PMPCB: variants seen among roughly 807,000 people sequenced by gnomAD.
PMPCB encodes the protein peptidase, mitochondrial processing subunit beta.
Under a neutral mutation model 61.5 loss-of-function variants are expected in PMPCB, and 46 were observed. The ratio of observed to expected loss-of-function variants is 0.75; its 90% CI spans 0.59 to 0.96. PMPCB has a LOEUF of 0.96. Among genes scored for constraint, PMPCB ranks in the 40% least tolerant of loss-of-function variants. The pLI, the probability that PMPCB is intolerant of heterozygous loss-of-function variation, is 0.00. For synonymous variants in PMPCB, 191 were observed against 201.6 expected, an observed-to-expected ratio of 0.95 and a Z score of 0.44; for missense variants, 590 against 602.4, an observed-to-expected ratio of 0.98 and a Z score of 0.22.
chr7:103,316,849 G>C (rs1488727091), downstream of PMPCB: 3 of 1,613,510 alleles, frequency 1.9e-6, no homozygotes, highest in Admixed American at 3.3e-5. Flanking sequence ...GTTCCAGCAG[G>C]GAACAGATTC....
chr7:103,316,591 C>T (rs1171815603), downstream of PMPCB: 3 of 465,568 alleles, frequency 6.4e-6, no homozygotes, highest in Non-Finnish European at 7.5e-6. Context: ...CAAGACTTGT[C>T]TCATGATCTT....
downstream of PMPCB, among the ~76,000 whole-genome samples, chr7:103,329,725 T>C (rs1478781407): frequency 6.6e-6 from 1 of 152,212 alleles, no homozygotes; most frequent in Non-Finnish European, 1.5e-5. Flanking sequence ...TGGTTACTTA[T>C]TCTTGCCCTG....
downstream of PMPCB, chr7:103,316,020 A>C: frequency 6.2e-7 from 1 of 1,601,680 alleles, no homozygotes; most frequent in Non-Finnish European, 8.5e-7. Flanking sequence ...TTTGCCAATA[A>C]CATCTTTGGC....
At position 103,313,073 on chromosome 7, in the gene PMPCB, TGTCCAA is replaced by T. The variant is rs1385641680; in HGVS notation, c.*804_*809del. ...GTTCCAAAAGCTTCTGTTCTTCTGT[TGTCCAA>T]GGGGTGAAGTCTGTATATGGACCTG... is the stretch of plus-strand genomic sequence containing the variant. On this transcript the variant is annotated 3_prime_UTR_variant, in exon 13 of 13. Transcript: ENST00000249269. 6.2e-7 allele frequency: 1 copy of T among 1,613,962 alleles called. No individual in the cohort carries two copies.
chr7:103,341,726 A>G, the PMPCB span: 20 of 1,473,528 alleles, frequency 1.4e-5, no homozygotes, highest in African/African-American at 2.8e-4. Flanking sequence ...ATGTCTAACA[A>G]AGCATCTGAC....
chr7:103,344,321 G>C, the PMPCB span: 2 of 582,436 alleles, frequency 3.4e-6, no homozygotes, highest in South Asian at 4.2e-5. Flanking sequence ...TGAGTCAGCA[G>C]CGGCGAGAGG....
At chr7:103,333,793 T>C (rs1323763818), downstream of PMPCB, among the ~76,000 whole-genome samples, 1 of 152,230 alleles carries the variant, frequency 6.6e-6, no homozygotes, top group Non-Finnish European at 1.5e-5. Context: ...TTGAGATTCA[T>C]CCATGTTTTT....
chr7:103,299,624 A>G, intron 3 of PMPCB, 95 bp downstream of exon 3: 1 of 664,722 alleles, frequency 1.5e-6, no homozygotes, highest in Non-Finnish European at 2.6e-6. Flanking sequence ...TTTCAGTAGT[A>G]TAACATGTTT....
At chr7:103,322,894 G>C (rs2115887215) in intron 12 of PMPCB, 1 of 949,588 alleles carries the variant, frequency 1.1e-6, no homozygotes, top group East Asian at 2.6e-5. Context: ...TAACATCCTA[G>C]AGGTTAAAAT....
Position 103,313,364 on chromosome 7 carries a change from A to C in PMPCB, c.*1093A>C. The stretch of plus-strand genomic sequence containing the variant: ...TCTACCTTGTACTGTTTATCTCTTA[A>C]AAATCAATGTAATACACTCACCAGA... On this transcript the variant is annotated 3_prime_UTR_variant, in exon 13 of 13. Coordinates refer to ENST00000249269, the MANE Select transcript of PMPCB (RefSeq NM_004279.3). The C allele has an allele frequency of 8.8e-7, 1 of 1,134,072 alleles. No homozygotes were observed. The highest frequency in any genetic ancestry group is 1.1e-6 in the Non-Finnish European group (1 of 927,010). The allele number at this position is 1,134,072 out of a possible 1,614,324, so 70.3% of individuals were successfully genotyped here.
In PMPCB at chr7:103,298,327, A is replaced by G. The variant is rs545600749; in HGVS notation, c.100-241A>G. On this transcript the variant is annotated intron_variant, in intron 1 of 12. Coordinates refer to ENST00000249269, the MANE Select transcript of PMPCB (RefSeq NM_004279.3). ...AGTCAATTTCTCTCTGGGTAATGAT[A>G]ATAATTGCTCATCTTCCCTGAGGGA... is the stretch of plus-strand genomic sequence containing the variant. 9.2e-5 allele frequency among the ~76,000 whole-genome samples: 14 copies of G among 152,150 alleles called. 1 individual carries two copies. The South Asian group carries it at 1.5e-3, about 16-fold the overall frequency.
chr7:103,313,322 A>G lies in PMPCB; in HGVS notation c.*1051A>G. 1 of 1,298,508 alleles carries G rather than the reference A, an allele frequency of 7.7e-7. No homozygotes were observed. Among genetic ancestry groups the G allele is most frequent in the Non-Finnish European group, 9.7e-7 (1 of 1,026,218 alleles). The allele number at this position is 1,298,508 out of a possible 1,614,324, so 80.4% of individuals were successfully genotyped here. Reference sequence around the variant, plus strand: ...GAAAATAAAATCTCAAAGGCTTTTAAAACACAATAGTAAAGATCTACCTTG... The same window carrying G: ...GAAAATAAAATCTCAAAGGCTTTTAGAACACAATAGTAAAGATCTACCTTG... On this transcript the variant is annotated 3_prime_UTR_variant, in exon 13 of 13. Coordinates refer to ENST00000249269, the MANE Select transcript of PMPCB (RefSeq NM_004279.3).
rs747657277 is a variant in PMPCB, at chr7:103,304,450, A to C, written c.696A>C (p.Thr232=). The stretch of plus-strand genomic sequence containing the variant: ...AGGACTTAGTGGATTATATAACCAC[A>C]CATTATAAGGGGCCAAGAATAGTGC... ...SRKDLVDYIT[T]HYKGPRIVLA... The change falls in exon 6 of 13, where the codon ACA becomes ACC. Residue 232 remains threonine (T), a synonymous_variant. Coordinates refer to ENST00000249269, the MANE Select transcript of PMPCB (RefSeq NM_004279.3). The C allele has an allele frequency of 1.2e-6, 2 of 1,607,858 alleles. No individual in the cohort carries two copies. The highest frequency in any genetic ancestry group is 1.1e-5 in the South Asian group (1 of 90,956).
intron 2 of PMPCB, among the ~76,000 whole-genome samples, chr7:103,299,177 T>G (rs1817379538): frequency 6.6e-6 from 1 of 152,238 alleles, no homozygotes; most frequent in South Asian, 2.1e-4. Context: ...ATGTTCTTGA[T>G]ACTACAGTTA....
chr7:103,324,173 A>G (rs2115904290), intron 12 of PMPCB, among the ~76,000 whole-genome samples: 1 of 152,350 alleles, frequency 6.6e-6, no homozygotes, highest in East Asian at 1.9e-4. Flanking sequence ...TTACAGAGAC[A>G]AATAGCACTG....
chr7:103,313,261 TAA>T lies in PMPCB; in HGVS notation c.*991_*992del. The T allele has an allele frequency of 7.4e-7, 1 of 1,350,578 alleles. No individual in the cohort carries two copies. Among genetic ancestry groups the T allele is most frequent in the Admixed American group, 3.5e-5 (1 of 28,604 alleles). The allele number at this position is 1,350,578 out of a possible 1,614,324, so 83.7% of individuals were successfully genotyped here. On this transcript the variant is annotated 3_prime_UTR_variant, in exon 13 of 13. Transcript: ENST00000249269. The stretch of plus-strand genomic sequence containing the variant: ...GAGATACATATAGCCCTCTGAGTGT[TAA>T]TAAGAGAAAAAATTTCAGATAGCTC...
chr7:103,323,593 C>A, intron 12 of PMPCB: 1 of 1,466,288 alleles, frequency 6.8e-7, no homozygotes, highest in Non-Finnish European at 9.2e-7. Flanking sequence ...GATTTGCATA[C>A]ATACCATTCT....
At chr7:103,319,691 A>G (rs374132344) in intron 12 of PMPCB, 32 of 1,614,054 alleles carry the variant, frequency 2.0e-5, no homozygotes, top group Non-Finnish European at 2.7e-5. Context: ...AAAGAAAAAA[A>G]AAGAAGAAAT....
intron 1 of PMPCB, chr7:103,297,949 A>G (rs933281006): frequency 1.3e-5 from 16 of 1,220,004 alleles, no homozygotes; most frequent in South Asian, 4.7e-5. Context: ...CTGGACATCA[A>G]TGAAGTAAAA....
Sources: gnomAD v4.1 joint callset for allele counts (sites outside exome capture counted in the v4.1 genomes callset) on GRCh38, gnomAD v4.1.1 for gene constraint, MANE v1.5 for transcripts, NCBI Gene and HGNC (gene_info 2026-07-23, HGNC 2026-07-21) for gene names.